ARFGEF3: variants seen among roughly 807,000 people sequenced by gnomAD.
ARFGEF3 encodes ARFGEF family member 3.
Under a neutral mutation model 221.7 loss-of-function variants are expected in ARFGEF3, and 96 were observed. The observed-to-expected ratio is 0.43, with a 90% CI of 0.37 to 0.51. The LOEUF (loss-of-function observed/expected upper bound fraction) is 0.51. ARFGEF3 is among the 20% of genes least tolerant of loss of function. The pLI, the probability that ARFGEF3 is intolerant of heterozygous loss-of-function variation, is 0.00. For synonymous variants in ARFGEF3, 1,145 were observed against 1,126.8 expected, an observed-to-expected ratio of 1.02 and a Z score of -0.32; for missense variants, 2,410 against 2,789.9, an observed-to-expected ratio of 0.86 and a Z score of 3.07.
chr6:138,308,213 C>G (rs565971909), intron 23 of ARFGEF3, among the ~76,000 whole-genome samples: 2 of 152,276 alleles, frequency 1.3e-5, no homozygotes, highest in South Asian at 2.1e-4. Flanking sequence ...TTTGTATGAA[C>G]AGTCTAGGCA....
At chr6:138,282,106 C>G (rs1248134449) in intron 14 of ARFGEF3, among the ~76,000 whole-genome samples, 1 of 152,214 alleles carries the variant, frequency 6.6e-6, no homozygotes, top group Admixed American at 6.5e-5. Flanking sequence ...AGGTGCCCAC[C>G]ACCATGCCCG....
chr6:138,248,238 T>A (rs1778519788), intron 8 of ARFGEF3, among the ~76,000 whole-genome samples: 1 of 152,196 alleles, frequency 6.6e-6, no homozygotes, highest in South Asian at 2.1e-4. Context: ...TGGCCGCTGA[T>A]TGGCTTTCAT....
intron 2 of ARFGEF3, among the ~76,000 whole-genome samples, chr6:138,191,154 C>T (rs932564486): frequency 1.3e-5 from 2 of 152,008 alleles, no homozygotes; most frequent in South Asian, 2.1e-4. Flanking sequence ...CTTTCCATGC[C>T]GCTTCCTCTT....
intron 2 of ARFGEF3, among the ~76,000 whole-genome samples, chr6:138,199,394 C>A (rs1255829838): frequency 6.6e-6 from 1 of 152,186 alleles, no homozygotes; most frequent in Non-Finnish European, 1.5e-5. Context: ...TGTAAGATAT[C>A]TTTGTGCCTC....
At chr6:138,218,945 C>T (rs1299718888) in intron 4 of ARFGEF3, among the ~76,000 whole-genome samples, 1 of 150,754 alleles carries the variant, frequency 6.6e-6, no homozygotes, top group Non-Finnish European at 1.5e-5. Context: ...CTTTTTTAGA[C>T]CTTTTTTTAT....
intron 10 of ARFGEF3, among the ~76,000 whole-genome samples, chr6:138,260,074 G>T (rs1778758631): frequency 6.6e-6 from 1 of 152,150 alleles, no homozygotes; most frequent in Non-Finnish European, 1.5e-5. Flanking sequence ...GCATCCTGAG[G>T]CTCAGAGGGT....
At chr6:138,329,617 TCACGCCACTGCA>T (rs1780187278) in intron 32 of ARFGEF3, among the ~76,000 whole-genome samples, 1 of 152,124 alleles carries the variant, frequency 6.6e-6, no homozygotes, top group Non-Finnish European at 1.5e-5. Context: ...TGAGCTGAGA[TCACGCCACTGCA>T]CTCCAGCCTG....
At chr6:138,232,408 G>A (rs1778210095) in intron 5 of ARFGEF3, among the ~76,000 whole-genome samples, 1 of 152,204 alleles carries the variant, frequency 6.6e-6, no homozygotes, top group South Asian at 2.1e-4. Flanking sequence ...GGGAGGCTGA[G>A]GCAGAATTGG....
At chr6:138,215,928 A>AAG (rs59749214) in intron 4 of ARFGEF3, 108,679 of 132,292 alleles carry the variant, frequency 0.82, 44,828 homozygotes, top group African/African-American at 0.94. Context: ...GGGAAAGGGA[A>AAG]AGAGTGTAAT....
chr6:138,321,361 C>CTG, intron 29 of ARFGEF3, 136 bp downstream of exon 29: 1 of 599,210 alleles, frequency 1.7e-6, no homozygotes. Context: ...TTAAAAATGA[C>CTG]TGTGCTAATA....
chr6:138,275,352 C>CA (rs1779078038), intron 12 of ARFGEF3, among the ~76,000 whole-genome samples: 1 of 151,714 alleles, frequency 6.6e-6, no homozygotes. Flanking sequence ...TTAGTCCCAC[C>CA]AAAAAAATGT....
intron 2 of ARFGEF3, among the ~76,000 whole-genome samples, chr6:138,193,091 G>T (rs1437147169): frequency 3.3e-5 from 5 of 152,104 alleles, no homozygotes; most frequent in South Asian, 2.1e-4. Flanking sequence ...TCAAAAGCTG[G>T]CTCAAAGCTC....
Position 138,324,122 on chromosome 6 carries a change from G to A in ARFGEF3, c.4969G>A (p.Glu1657Lys), listed in dbSNP as rs368581445. 8.7e-6 allele frequency: 14 copies of A among 1,613,680 alleles called. No individual in the cohort carries two copies. The highest frequency in any genetic ancestry group is 1.3e-5 in the African/African-American group (1 of 74,936). The change falls in exon 31 of 34, where the codon GAG (glutamate) becomes AAG (lysine). Residue 1657 changes from glutamate to lysine, a missense_variant. By Grantham distance (56) the Glu-to-Lys change is moderately conservative (BLOSUM62 1). Coordinates refer to ENST00000251691, the MANE Select transcript of ARFGEF3 (RefSeq NM_020340.5). Reference protein sequence around the residue: ...APSSSPSAEAEYWRIRAMAQQ... With the variant: ...APSSSPSAEAKYWRIRAMAQQ... The stretch of plus-strand genomic sequence containing the variant: ...GTCCTCCTCCCCAAGTGCCGAGGCC[G>A]AGTACTGGCGCATCCGAGCCATGGC...
rs1780396935 is a variant in ARFGEF3 at position 138,339,889 on chromosome 6, G to A, written c.*3403G>A. On this transcript the variant is annotated 3_prime_UTR_variant, in exon 34 of 34. Coordinates refer to ENST00000251691, the MANE Select transcript of ARFGEF3 (RefSeq NM_020340.5). ...ATGATTTGGGGTCTATGTAATGACT[G>A]ACCGATAAGAACCCAGGCAGATGCT... is the stretch of plus-strand genomic sequence containing the variant. 6.6e-6 allele frequency: 1 copy of A among 152,162 alleles called. No homozygotes were observed. 9.4% of individuals were successfully genotyped at this position (152,162 alleles called of 1,614,324 possible).
rs376584428 is a variant in ARFGEF3 at position 138,274,662 on chromosome 6, G to T, written c.2129-3789G>T. Among the ~76,000 whole-genome samples, 121 of 152,212 alleles carry T rather than the reference G, an allele frequency of 7.9e-4. 1 individual carries two copies. The South Asian group carries it at 0.024, about 31-fold the overall frequency. ...AATACAAAATTAGCCAGGCATGGTG[G>T]TGCATGCCTGTAATCCCAGCTACTC... On this transcript the variant is annotated intron_variant, in intron 12 of 33. Coordinates refer to ENST00000251691, the MANE Select transcript of ARFGEF3 (RefSeq NM_020340.5).
Position 138,291,056 on chromosome 6 carries a change from T to C in ARFGEF3, c.3048-677T>C, listed in dbSNP as rs1384481979. On this transcript the variant is annotated intron_variant, in intron 18 of 33. Coordinates refer to ENST00000251691, the MANE Select transcript of ARFGEF3 (RefSeq NM_020340.5). The surrounding 1 kb of genome is among the most constrained non-coding windows in gnomAD (Gnocchi z 4.5). ...TGATGCTCTTTACCAGTAAACAGAC[T>C]TACTCCGAGATGAGGGACCTTGCGA... 6.6e-6 allele frequency among the ~76,000 whole-genome samples: 1 copy of C among 152,152 alleles called. No individual in the cohort carries two copies. Among genetic ancestry groups the C allele is most frequent in the East Asian group, 1.9e-4 (1 of 5,184 alleles).
At chr6:138,203,274 A>G (rs1777569713) in intron 2 of ARFGEF3, among the ~76,000 whole-genome samples, 1 of 152,218 alleles carries the variant, frequency 6.6e-6, no homozygotes. Context: ...CTTGGGAGTC[A>G]GATGAATTTG....
chr6:138,313,158 G>A (rs1457177873), intron 25 of ARFGEF3, among the ~76,000 whole-genome samples: 1 of 152,202 alleles, frequency 6.6e-6, no homozygotes, highest in Non-Finnish European at 1.5e-5. Flanking sequence ...GAACAATGTG[G>A]GCATGGCAGG....
intron 31 of ARFGEF3, among the ~76,000 whole-genome samples, chr6:138,326,994 C>T (rs543598424): frequency 1.2e-4 from 19 of 152,258 alleles, no homozygotes; most frequent in South Asian, 1.2e-3. Flanking sequence ...AGCAAACTAA[C>T]GCAGGGACAG....
Sources: gnomAD v4.1 joint callset for allele counts (sites outside exome capture counted in the v4.1 genomes callset) on GRCh38, gnomAD v4.1.1 for gene constraint, Gnocchi (gnomAD v3.1) non-coding constraint, MANE v1.5 for transcripts, NCBI Gene and HGNC (gene_info 2026-07-23, HGNC 2026-07-21) for gene names.